The following DSCAM variants were observed in gnomAD, a reference collection of about 807,000 sequenced individuals.
The protein encoded by DSCAM is DS cell adhesion molecule.
Under a neutral mutation model 217.7 loss-of-function variants are expected in DSCAM, and 47 were observed. The observed-to-expected ratio is 0.22, with a 90% CI of 0.17 to 0.28. The LOEUF is 0.28. Ranked by LOEUF, DSCAM falls within the 10% of genes least tolerant of loss-of-function variation. DSCAM has a pLI of 1.00. For synonymous variants in DSCAM, 1,056 were observed against 1,015.3 expected (o/e 1.04, Z -0.76); for missense variants, 2,080 against 2,618.3 (o/e 0.79, Z 4.49).
intron 3 of DSCAM, among the ~76,000 whole-genome samples, chr21:40,559,741 T>C (rs2076702134): frequency 6.6e-6 from 1 of 151,970 alleles, no homozygotes; most frequent in Non-Finnish European, 1.5e-5. Context: ...AGAACTTTTT[T>C]TCCCTCTCTG....
At chr21:40,800,976 G>C (rs1235563960) in intron 1 of DSCAM, among the ~76,000 whole-genome samples, 1 of 131,146 alleles carries the variant, frequency 7.6e-6, no homozygotes, top group Admixed American at 8.1e-5. Flanking sequence ...TTTTTTTTTA[G>C]ATGGAGTTTC....
intron 11 of DSCAM, among the ~76,000 whole-genome samples, chr21:40,271,187 G>A (rs889313903): frequency 6.6e-6 from 1 of 152,174 alleles, no homozygotes; most frequent in Non-Finnish European, 1.5e-5. Flanking sequence ...AGACCTTCCT[G>A]GATTCAGCAT....
intron 1 of DSCAM, among the ~76,000 whole-genome samples, chr21:40,767,909 T>C (rs2091409182): frequency 6.6e-6 from 1 of 152,184 alleles, no homozygotes; most frequent in African/African-American, 2.4e-5. Context: ...CCTGTGTGTG[T>C]GTGCGTGTGT....
intron 3 of DSCAM, among the ~76,000 whole-genome samples, chr21:40,511,901 G>A (rs2076260608): frequency 6.8e-6 from 1 of 146,876 alleles, no homozygotes; most frequent in Non-Finnish European, 1.5e-5. Context: ...TGAGGCAGGA[G>A]AATGGCGCGA....
intron 1 of DSCAM, among the ~76,000 whole-genome samples, chr21:40,712,877 T>G (rs1241927457): frequency 6.6e-6 from 1 of 152,018 alleles, no homozygotes; most frequent in Non-Finnish European, 1.5e-5. Context: ...GGTCCTGATA[T>G]AGAGAGATGC....
At chr21:40,527,264 C>A (rs2205132) in intron 3 of DSCAM, among the ~76,000 whole-genome samples, 13,268 of 152,164 alleles carry the variant, frequency 0.087, 904 homozygotes, top group East Asian at 0.23. Flanking sequence ...AGTATCATAG[C>A]CTTTACAATG....
chr21:40,331,764 C>A (rs1042296968), intron 8 of DSCAM, among the ~76,000 whole-genome samples: 3 of 152,210 alleles, frequency 2.0e-5, no homozygotes, highest in Non-Finnish European at 4.4e-5. Flanking sequence ...TTGTTCTCTG[C>A]ATTCCTAGCA....
At position 40,195,539 on chromosome 21, in the gene DSCAM, G is replaced by A. The variant is rs115360276; in HGVS notation, c.2357-6301C>T. Reference sequence around the variant, plus strand: ...TCGGTCCTATTTGAAAACCATCATCGTCATGATCACCCCAAACATAGGAGA... The same window carrying A: ...TCGGTCCTATTTGAAAACCATCATCATCATGATCACCCCAAACATAGGAGA... On this transcript the variant is annotated intron_variant, in intron 11 of 32. Transcript: ENST00000400454. Among the ~76,000 whole-genome samples, 244 of 152,192 alleles carry A rather than the reference G, an allele frequency of 1.6e-3. 1 individual carries two copies. The highest frequency in any genetic ancestry group is 5.5e-3 in the African/African-American group (229 of 41,528).
chr21:40,351,639 G>C (rs2074632304), intron 5 of DSCAM, among the ~76,000 whole-genome samples: 2 of 152,148 alleles, frequency 1.3e-5, no homozygotes, highest in Non-Finnish European at 2.9e-5. Flanking sequence ...CGAAGAAGCT[G>C]TTTTCTTCTG....
At chr21:40,450,873 T>G (rs1015843354) in intron 3 of DSCAM, among the ~76,000 whole-genome samples, 44 of 152,364 alleles carry the variant, frequency 2.9e-4, no homozygotes, top group African/African-American at 9.9e-4. Flanking sequence ...ACTATTTGTT[T>G]CTTTTTTGCA....
intron 1 of DSCAM, among the ~76,000 whole-genome samples, chr21:40,784,545 C>T (rs2091576179): frequency 6.6e-6 from 1 of 152,206 alleles, no homozygotes; most frequent in South Asian, 2.1e-4. Flanking sequence ...TTAGAATCTC[C>T]TTTGCACAAA....
At chr21:40,495,318 G>T (rs1206611193) in intron 3 of DSCAM, among the ~76,000 whole-genome samples, 2 of 151,960 alleles carry the variant, frequency 1.3e-5, no homozygotes, top group Admixed American at 1.3e-4. Flanking sequence ...ATTCAACAGC[G>T]CACTACAAAG....
intron 1 of DSCAM, among the ~76,000 whole-genome samples, chr21:40,799,325 G>T (rs998120): frequency 2.6e-5 from 4 of 151,412 alleles, no homozygotes; most frequent in East Asian, 3.9e-4. Context: ...ATTTATTGCT[G>T]ACATTACCTT....
chr21:40,182,267 A>G (rs1304311930), intron 14 of DSCAM, among the ~76,000 whole-genome samples: 3 of 152,138 alleles, frequency 2.0e-5, no homozygotes, highest in Non-Finnish European at 2.9e-5. Context: ...GTGGGGACAC[A>G]GGAGAGCCCC....
chr21:40,271,107 G>A (rs1297498905), intron 11 of DSCAM, among the ~76,000 whole-genome samples: 1 of 152,250 alleles, frequency 6.6e-6, no homozygotes, highest in African/African-American at 2.4e-5. Context: ...AGAGCTGAGT[G>A]AGTTGGTGCA....
At chr21:40,234,318 G>C (rs2091407194) in intron 11 of DSCAM, among the ~76,000 whole-genome samples, 1 of 152,180 alleles carries the variant, frequency 6.6e-6, no homozygotes, top group Non-Finnish European at 1.5e-5. Context: ...TGGACAAGTA[G>C]TTTAACATCT....
intron 14 of DSCAM, among the ~76,000 whole-genome samples, chr21:40,184,017 G>T (rs906129104): frequency 6.6e-6 from 1 of 152,104 alleles, no homozygotes; most frequent in African/African-American, 2.4e-5. Flanking sequence ...GGCTCACTAT[G>T]GCCCATAGGG....
intron 3 of DSCAM, among the ~76,000 whole-genome samples, chr21:40,525,052 A>G (rs953020631): frequency 5.3e-5 from 8 of 151,434 alleles, no homozygotes; most frequent in African/African-American, 1.9e-4. Context: ...GAAGACTGTG[A>G]AATTCAAATA....
chr21:40,569,391 A>G (rs182315004), intron 3 of DSCAM, among the ~76,000 whole-genome samples: 97 of 152,304 alleles, frequency 6.4e-4, no homozygotes, highest in African/African-American at 2.3e-3. Context: ...TACTTTAAGT[A>G]AAGGAGATTG....
Sources: allele counts gnomAD v4.1 joint callset (sites outside exome capture counted in the v4.1 genomes callset), GRCh38; gene constraint gnomAD v4.1.1; transcripts MANE v1.5; gene names NCBI Gene and HGNC (gene_info 2026-07-23, HGNC 2026-07-21).